GATAD2B: variants seen among roughly 807,000 people sequenced by gnomAD.
The protein encoded by GATAD2B is transcriptional repressor p66-beta.
A neutral mutation model predicts 64.3 loss-of-function variants in GATAD2B; 8 were observed. The observed-to-expected ratio is 0.12, with a 90% CI of 0.07 to 0.22. The LOEUF (loss-of-function observed/expected upper bound fraction) is 0.22. GATAD2B is among the 10% of genes least tolerant of loss of function. The pLI, the probability that GATAD2B is intolerant of heterozygous loss-of-function variation, is 1.00. For missense variants in GATAD2B, 453 were observed against 752.0 expected (o/e 0.60, Z 4.65); for synonymous variants, 281 against 271.3 (o/e 1.04, Z -0.35).
At chr1:153,833,259 C>T (rs11264446) in intron 1 of GATAD2B, among the ~76,000 whole-genome samples, 19,401 of 152,082 alleles carry the variant, frequency 0.13, 2,123 homozygotes, top group African/African-American at 0.28. Flanking sequence ...ACTCTGCCTG[C>T]ACTCTCTCAA....
rs143055195 is a variant in GATAD2B, at chr1:153,894,341, G to A, written c.-2+28392C>T. Among the ~76,000 whole-genome samples the A allele has an allele frequency of 4.1e-3, 620 of 152,130 alleles. 5 individuals are homozygous for A. Among genetic ancestry groups the A allele is most frequent in the African/African-American group, 0.014 (580 of 41,506 alleles). On this transcript the variant is annotated intron_variant, in intron 1 of 10. Coordinates refer to ENST00000368655, the MANE Select transcript of GATAD2B (RefSeq NM_020699.4). The stretch of plus-strand genomic sequence containing the variant: ...AAATTAGCCAGGTGTGGTGGCACAC[G>A]CCTGCAGTTCTAGCTACTCAGGAGG...
Position 153,853,736 on chromosome 1 carries a change from A to G in GATAD2B, c.-1-25388T>C, listed in dbSNP as rs117751022. Among the ~76,000 whole-genome samples, 14 of 152,238 alleles carry G rather than the reference A, an allele frequency of 9.2e-5. No homozygotes were observed. The East Asian group carries it at 1.9e-3, about 21-fold the overall frequency. On this transcript the variant is annotated intron_variant, in intron 1 of 10. Coordinates refer to ENST00000368655, the MANE Select transcript of GATAD2B (RefSeq NM_020699.4). ...TTCTTCTTATGAGTTTTATAGTTTC[A>G]GGTCTTATGTTTAACTCTTTAATCC...
At chr1:153,914,633 T>A (rs1196512593) in intron 1 of GATAD2B, 1 of 152,162 alleles carries the variant, frequency 6.6e-6, no homozygotes, top group African/African-American at 2.4e-5. Flanking sequence ...GGAAATACAA[T>A]AGTAAAAAGA....
chr1:153,848,631 A>AG (rs1395534189), intron 1 of GATAD2B, among the ~76,000 whole-genome samples: 1 of 152,182 alleles, frequency 6.6e-6, no homozygotes, highest in African/African-American at 2.4e-5. Flanking sequence ...CTCTTCATGT[A>AG]GTCAATTGCC....
chr1:153,849,451 C>T (rs1211419099), intron 1 of GATAD2B, among the ~76,000 whole-genome samples: 1 of 152,162 alleles, frequency 6.6e-6, no homozygotes, highest in Admixed American at 6.6e-5. Context: ...AGATATCTAA[C>T]AGGCATTTTA....
chr1:153,851,179 C>T (rs1675885623), intron 1 of GATAD2B, among the ~76,000 whole-genome samples: 2 of 152,328 alleles, frequency 1.3e-5, no homozygotes, highest in African/African-American at 2.4e-5. Flanking sequence ...AGATACCTCA[C>T]ATAAGTAGAC....
intron 1 of GATAD2B, among the ~76,000 whole-genome samples, chr1:153,835,589 G>A (rs899437131): frequency 6.6e-6 from 1 of 152,112 alleles, no homozygotes; most frequent in African/African-American, 2.4e-5. Context: ...ATGACTTGCT[G>A]AAGGCTCAGA....
At chr1:153,852,672 CT>C in intron 1 of GATAD2B, 3 of 900,842 alleles carry the variant, frequency 3.3e-6, no homozygotes, top group Non-Finnish European at 5.6e-6. Context: ...GGTCTCTTGG[CT>C]TTTTTGCTTA....
chr1:153,859,973 A>C (rs981391321), intron 1 of GATAD2B, among the ~76,000 whole-genome samples: 1 of 121,180 alleles, frequency 8.3e-6, no homozygotes, highest in African/African-American at 3.3e-5. Flanking sequence ...ACTGGAGTGC[A>C]CTGGCGCGAT....
At chr1:153,884,577 GGGGGAC>G (rs1270486640) in intron 1 of GATAD2B, among the ~76,000 whole-genome samples, 5 of 152,142 alleles carry the variant, frequency 3.3e-5, no homozygotes, top group Non-Finnish European at 5.9e-5. Flanking sequence ...ACTCCAGCCT[GGGGGAC>G]AAGAGTGAGA....
At chr1:153,909,222 T>G (rs905219573) in intron 1 of GATAD2B, among the ~76,000 whole-genome samples, 3 of 151,834 alleles carry the variant, frequency 2.0e-5, no homozygotes, top group African/African-American at 7.3e-5. Flanking sequence ...ATAATTTTTT[T>G]TTCTTTTTTG....
At chr1:153,869,137 CAA>C (rs899595102) in intron 1 of GATAD2B, among the ~76,000 whole-genome samples, 6 of 151,906 alleles carry the variant, frequency 3.9e-5, no homozygotes, top group Admixed American at 6.6e-5. Flanking sequence ...TACAAAAATA[CAA>C]AAGTTAGCCA....
chr1:153,905,440 A>C (rs1677895342), intron 1 of GATAD2B, among the ~76,000 whole-genome samples: 1 of 151,684 alleles, frequency 6.6e-6, no homozygotes, highest in Non-Finnish European at 1.5e-5. Context: ...TCTATAACTG[A>C]GCAGAATCCC....
intron 1 of GATAD2B, among the ~76,000 whole-genome samples, chr1:153,862,863 T>C (rs997723312): frequency 2.0e-5 from 3 of 151,910 alleles, no homozygotes; most frequent in Non-Finnish European, 4.4e-5. Context: ...TAGCTGGGAT[T>C]ACAGGCATGC....
rs375252851 is a variant in GATAD2B, at chr1:153,817,549, G to T, written c.730-7C>A. ...AACGGATGACACTGTGACCCTGGAG[G>T]GGAAGAAGAGGAAAAGAACTAATCA... is the stretch of plus-strand genomic sequence containing the variant. On this transcript the variant is annotated splice_region_variant and splice_polypyrimidine_tract_variant and intron_variant, in intron 5 of 10. Transcript: ENST00000368655. 6.3e-7 allele frequency: 1 copy of T among 1,575,566 alleles called. No individual in the cohort carries two copies. The highest frequency in any genetic ancestry group is 8.6e-7 in the Non-Finnish European group (1 of 1,162,440).
rs113536045 is a variant in GATAD2B, at chr1:153,819,573, A to C, written c.465+33T>G. On this transcript the variant is annotated intron_variant, in intron 3 of 10. Coordinates refer to ENST00000368655, the MANE Select transcript of GATAD2B (RefSeq NM_020699.4). ...GAATTAAATAAAATAGAAGGAGCAT[A>C]ACAAGAAGAAAGAAATTTTTCTTTC... The C allele has an allele frequency of 2.4e-3, 3,530 of 1,484,548 alleles. 99 individuals carry two copies. In the African/African-American group the frequency reaches 0.044, roughly 18 times the overall value. 92.0% of individuals were successfully genotyped at this position (1,484,548 alleles called of 1,614,324 possible). A position where few individuals can be genotyped will look rare whatever the true frequency, so the allele number is the denominator to read the frequency against.
chr1:153,880,122 A>C (rs975610291), intron 1 of GATAD2B, among the ~76,000 whole-genome samples: 2 of 152,034 alleles, frequency 1.3e-5, no homozygotes, highest in Non-Finnish European at 2.9e-5. Context: ...CCTTAAGAAC[A>C]ACCCCTCTCC....
chr1:153,869,668 C>A (rs780390673), intron 1 of GATAD2B, among the ~76,000 whole-genome samples: 2 of 152,114 alleles, frequency 1.3e-5, no homozygotes, highest in Non-Finnish European at 2.9e-5. Flanking sequence ...AATGGTGTTG[C>A]GAAACCAAGA....
At chr1:153,880,567 A>T (rs538168585) in intron 1 of GATAD2B, among the ~76,000 whole-genome samples, 2 of 152,264 alleles carry the variant, frequency 1.3e-5, no homozygotes, top group South Asian at 4.2e-4. Flanking sequence ...CAGCTGTAAA[A>T]TCCAGGAGGC....
Sources: gnomAD v4.1 joint callset for allele counts (sites outside exome capture counted in the v4.1 genomes callset) on GRCh38, gnomAD v4.1.1 for gene constraint, MANE v1.5 for transcripts, NCBI Gene and HGNC (gene_info 2026-07-23, HGNC 2026-07-21) for gene names.